Variants in RPGRIP1 observed in about 807,000 individuals in gnomAD.
RPGRIP1 encodes RPGR interacting protein 1, also known as X-linked retinitis pigmentosa GTPase regulator-interacting protein 1.
Under a neutral mutation model 157.9 loss-of-function variants are expected in RPGRIP1, and 128 were observed. The observed-to-expected ratio is 0.81, with a 90% CI of 0.70 to 0.94. RPGRIP1 has a LOEUF of 0.94. RPGRIP1 is among the 40% of genes least tolerant of loss of function. The probability of loss-of-function intolerance (pLI) is 0.00; values close to 1 mark genes in which losing one functional copy is unlikely to be tolerated. For synonymous variants in RPGRIP1, 554 were observed against 571.6 expected (o/e 0.97, Z 0.44); for missense variants, 1,486 against 1,545.8 (o/e 0.96, Z 0.65).
chr14:21,308,105 G>T (rs1328692474), intron 7 of RPGRIP1, among the ~76,000 whole-genome samples: 1 of 152,128 alleles, frequency 6.6e-6, no homozygotes, highest in Admixed American at 6.6e-5. Flanking sequence ...CTTGTGTAAG[G>T]GTTACGGTCC....
At position 21,322,008 on chromosome 14, in the gene RPGRIP1, A is replaced by C. The variant is rs1882540707; in HGVS notation, c.1762+4A>C. The C allele has an allele frequency of 6.2e-7, 1 of 1,611,580 alleles. No homozygotes were observed. The highest frequency in any genetic ancestry group is 8.5e-7 in the Non-Finnish European group (1 of 1,178,956). On this transcript the variant is annotated splice_donor_region_variant and intron_variant, in intron 14 of 24. Coordinates refer to ENST00000400017, the MANE Select transcript of RPGRIP1 (RefSeq NM_020366.4). ...AGCCATGACCTTCCAACATCTGGCA[A>C]GTCTTAGTCCTTTGTTCTCCTCACT...
At chr14:21,327,011 T>G (rs1883184844) in intron 17 of RPGRIP1, among the ~76,000 whole-genome samples, 1 of 152,126 alleles carries the variant, frequency 6.6e-6, no homozygotes, top group Non-Finnish European at 1.5e-5. Flanking sequence ...TATCCATGTT[T>G]TCCTTAGGAA....
intron 17 of RPGRIP1, among the ~76,000 whole-genome samples, chr14:21,327,339 C>A (rs1883218283): frequency 1.3e-5 from 2 of 152,138 alleles, no homozygotes; most frequent in Non-Finnish European, 2.9e-5. Context: ...TGTTCATTGG[C>A]TGGATGACTG....
At chr14:21,307,630 AGAGACAAGAGG>A (rs773203397) in intron 6 of RPGRIP1, 90 bp from the exon 7 acceptor site, 20 of 726,464 alleles carry the variant, frequency 2.8e-5, no homozygotes, top group Non-Finnish European at 4.6e-5. Flanking sequence ...CGGGAAGGCA[AGAGACAAGAGG>A]GAGGTATTCT....
chr14:21,321,590 T>A, intron 13 of RPGRIP1, 188 bp downstream of exon 13: 1 of 1,238,416 alleles, frequency 8.1e-7, no homozygotes, highest in Non-Finnish European at 1.1e-6. Flanking sequence ...ACCTTGGCAC[T>A]AGGAGCCAGT....
At chr14:21,292,480 G>C (rs771519292) in intron 2 of RPGRIP1, among the ~76,000 whole-genome samples, 1 of 152,230 alleles carries the variant, frequency 6.6e-6, no homozygotes, top group Non-Finnish European at 1.5e-5. Flanking sequence ...CAGCACATTG[G>C]GAGGCCAAGG....
intron 6 of RPGRIP1, among the ~76,000 whole-genome samples, chr14:21,305,876 C>G (rs1346132171): frequency 6.6e-6 from 1 of 151,604 alleles, no homozygotes; most frequent in East Asian, 1.9e-4. Context: ...CAAAACAAAA[C>G]AAAACAAAAA....
intron 24 of RPGRIP1, among the ~76,000 whole-genome samples, chr14:21,349,461 A>G (rs1168040493): frequency 7.3e-6 from 1 of 136,556 alleles, no homozygotes; most frequent in Non-Finnish European, 1.5e-5. Context: ...AGTGCAATGG[A>G]CCGATCTCAG....
intron 19 of RPGRIP1, among the ~76,000 whole-genome samples, chr14:21,329,700 C>T (rs1009429485): frequency 1.3e-5 from 2 of 150,902 alleles, no homozygotes; most frequent in Non-Finnish European, 3.0e-5. Context: ...CGAGGTTTCA[C>T]CATGTTGATC....
intron 3 of RPGRIP1, among the ~76,000 whole-genome samples, chr14:21,297,792 A>C (rs1163120179): frequency 2.0e-5 from 3 of 151,408 alleles, no homozygotes; most frequent in Admixed American, 2.0e-4. Flanking sequence ...TCATGCTGTC[A>C]GAAAGCAAGC....
chr14:21,318,540 A>G (rs1039024429), intron 11 of RPGRIP1, among the ~76,000 whole-genome samples: 7 of 152,152 alleles, frequency 4.6e-5, no homozygotes, highest in African/African-American at 1.7e-4. Flanking sequence ...CAGTGATGCG[A>G]TCTGGGCTCA....
intron 1 of RPGRIP1, among the ~76,000 whole-genome samples, chr14:21,285,325 G>A (rs1214099250): frequency 5.9e-5 from 9 of 151,884 alleles, no homozygotes; most frequent in African/African-American, 2.2e-4. Context: ...CAAGAAGGAG[G>A]CCAGGTGCAG....
intron 11 of RPGRIP1, chr14:21,318,137 G>A (rs369497121): frequency 3.5e-5 from 19 of 547,276 alleles, no homozygotes; most frequent in East Asian, 1.8e-4. Flanking sequence ...GTGGAGTTTC[G>A]CTCTTGTTGC....
intron 19 of RPGRIP1, among the ~76,000 whole-genome samples, chr14:21,329,379 C>T (rs1883475461): frequency 6.6e-6 from 1 of 151,980 alleles, no homozygotes; most frequent in South Asian, 2.1e-4. Context: ...TGTGTTTCCA[C>T]AAACACAAGT....
chr14:21,313,300 G>A (rs993166878), intron 10 of RPGRIP1, among the ~76,000 whole-genome samples: 2 of 149,536 alleles, frequency 1.3e-5, no homozygotes, highest in African/African-American at 4.9e-5. Context: ...CTAGAAGTTC[G>A]AGACCTGTCT....
At chr14:21,290,833 G>GGAAA (rs1373168397) in intron 2 of RPGRIP1, among the ~76,000 whole-genome samples, 1 of 120,446 alleles carries the variant, frequency 8.3e-6, no homozygotes, top group African/African-American at 3.1e-5. Context: ...AAAAAAAAAA[G>GGAAA]GAAAGAAAGA....
At position 21,310,573 on chromosome 14, in the gene RPGRIP1, C is replaced by A. The variant is rs568675254; in HGVS notation, c.907-11C>A. ...TAAATCAATAAAATAATAATAATTT[C>A]TTTCTTCCAGGCATACGAAACCTTG... is the stretch of plus-strand genomic sequence containing the variant. On this transcript the variant is annotated splice_polypyrimidine_tract_variant and intron_variant, in intron 7 of 24. Transcript: ENST00000400017. 4.5e-6 allele frequency: 6 copies of A among 1,345,538 alleles called. No individual in the cohort carries two copies. The highest frequency in any genetic ancestry group is 2.5e-5 in the East Asian group (1 of 39,328). The allele number at this position is 1,345,538 out of a possible 1,614,324, so 83.3% of individuals were successfully genotyped here. A position where few individuals can be genotyped will look rare whatever the true frequency, so the allele number is the denominator to read the frequency against.
chr14:21,297,352 C>T (rs1414638744), intron 3 of RPGRIP1, among the ~76,000 whole-genome samples: 2 of 152,188 alleles, frequency 1.3e-5, no homozygotes, highest in African/African-American at 4.8e-5. Flanking sequence ...GCCTCGGCCT[C>T]CCAAAGTGCT....
At chr14:21,304,760 A>G (rs752804892) in intron 6 of RPGRIP1, among the ~76,000 whole-genome samples, 2 of 151,644 alleles carry the variant, frequency 1.3e-5, no homozygotes, top group East Asian at 1.9e-4. Flanking sequence ...TCACCTGACC[A>G]TCATTTAATA....
Sources: allele counts gnomAD v4.1 joint callset (sites outside exome capture counted in the v4.1 genomes callset), GRCh38; gene constraint gnomAD v4.1.1; transcripts MANE v1.5; gene names NCBI Gene and HGNC (gene_info 2026-07-23, HGNC 2026-07-21).